Variants in ATG5 observed in about 807,000 individuals in gnomAD.
ATG5 encodes the protein autophagy protein 5.
A neutral mutation model predicts 36.5 loss-of-function variants in ATG5; 14 were observed. The ratio of observed to expected loss-of-function variants is 0.38; its 90% CI spans 0.25 to 0.60. ATG5 has a LOEUF of 0.60. Among genes scored for constraint, ATG5 ranks in the 20% least tolerant of loss-of-function variants. The probability of loss-of-function intolerance (pLI) is 0.60; values close to 1 mark genes in which losing one functional copy is unlikely to be tolerated. For missense variants in ATG5, 195 were observed against 326.7 expected, an observed-to-expected ratio of 0.60 and a Z score of 3.11; for synonymous variants, 95 against 101.5, an observed-to-expected ratio of 0.94 and a Z score of 0.38.
chr6:106,297,833 G>C (rs1770027458), intron 3 of ATG5, among the ~76,000 whole-genome samples: 1 of 151,660 alleles, frequency 6.6e-6, no homozygotes, highest in Non-Finnish European at 1.5e-5. Flanking sequence ...CACTATGGAA[G>C]GCTGAGGCAG....
intron 6 of ATG5, among the ~76,000 whole-genome samples, chr6:106,228,695 G>GT (rs1030950960): frequency 2.0e-4 from 30 of 152,156 alleles, no homozygotes; most frequent in African/African-American, 7.0e-4. Context: ...CTCCAAAGCG[G>GT]TAATATTGGA....
intron 5 of ATG5, among the ~76,000 whole-genome samples, chr6:106,262,899 C>G (rs531763334): frequency 6.6e-6 from 1 of 152,352 alleles, no homozygotes; most frequent in Admixed American, 6.5e-5. Flanking sequence ...CCCTGGGTTT[C>G]AAGCACAAAA....
At chr6:106,190,661 TA>T (rs966644690) in intron 7 of ATG5, among the ~76,000 whole-genome samples, 9 of 150,394 alleles carry the variant, frequency 6.0e-5, no homozygotes, top group South Asian at 2.1e-4. Flanking sequence ...AAAGTGAACA[TA>T]AAAAAAAAGT....
chr6:106,229,071 G>T (rs973719705), intron 6 of ATG5, among the ~76,000 whole-genome samples: 1 of 152,236 alleles, frequency 6.6e-6, no homozygotes, highest in Admixed American at 6.5e-5. Flanking sequence ...TCCCAACCAC[G>T]ACTTTCTTGA....
At chr6:106,232,580 C>A (rs1179832254) in intron 6 of ATG5, among the ~76,000 whole-genome samples, 2 of 152,174 alleles carry the variant, frequency 1.3e-5, no homozygotes, top group East Asian at 3.9e-4. Context: ...CTTTCCCCAC[C>A]AAAGGCAGTA....
At chr6:106,202,154 T>A (rs901237878) in intron 6 of ATG5, 65 bp from the exon 7 acceptor site, 1 of 1,284,136 alleles carries the variant, frequency 7.8e-7, no homozygotes, top group Non-Finnish European at 1.1e-6. Flanking sequence ...TACAAATTTA[T>A]ATATCATAAA....
chr6:106,272,215 C>T (rs1398583615), intron 5 of ATG5, among the ~76,000 whole-genome samples: 1 of 152,194 alleles, frequency 6.6e-6, no homozygotes, highest in Non-Finnish European at 1.5e-5. Flanking sequence ...TTCCCATTTG[C>T]TTCTTTCTAA....
intron 6 of ATG5, among the ~76,000 whole-genome samples, chr6:106,240,595 AG>A (rs1375361640): frequency 1.3e-5 from 2 of 151,898 alleles, no homozygotes; most frequent in African/African-American, 4.8e-5. Context: ...TGGAGATGTA[AG>A]GGGAGAAGCA....
chr6:106,261,176 A>C (rs1398244925), intron 5 of ATG5, among the ~76,000 whole-genome samples: 1 of 152,242 alleles, frequency 6.6e-6, no homozygotes, highest in Non-Finnish European at 1.5e-5. Context: ...AAAGGAAAAT[A>C]CACAGAACAC....
intron 5 of ATG5, among the ~76,000 whole-genome samples, chr6:106,259,918 A>G (rs1035764446): frequency 6.6e-6 from 1 of 152,228 alleles, no homozygotes; most frequent in Non-Finnish European, 1.5e-5. Context: ...ACCATGGAAT[A>G]CTATGCAGCC....
chr6:106,198,542 T>C (rs1289719844), intron 7 of ATG5, among the ~76,000 whole-genome samples: 1 of 152,148 alleles, frequency 6.6e-6, no homozygotes, highest in African/African-American at 2.4e-5. Context: ...TTTGGGAGGC[T>C]GAGGCGGATG....
chr6:106,308,017 A>C (rs912592534), intron 3 of ATG5, among the ~76,000 whole-genome samples: 3 of 151,674 alleles, frequency 2.0e-5, no homozygotes, highest in Admixed American at 1.3e-4. Flanking sequence ...AGATGTTATA[A>C]ATATTTTGGT....
At chr6:106,286,618 A>T (rs562587648) in intron 4 of ATG5, among the ~76,000 whole-genome samples, 1 of 152,286 alleles carries the variant, frequency 6.6e-6, no homozygotes, top group East Asian at 1.9e-4. Context: ...AACTCAAAGA[A>T]TGCGGCAAAG....
intron 5 of ATG5, among the ~76,000 whole-genome samples, chr6:106,277,218 A>C (rs570870406): frequency 1.3e-5 from 2 of 152,364 alleles, no homozygotes; most frequent in East Asian, 3.9e-4. Flanking sequence ...AGCATAGTCC[A>C]AAAGTTAAAA....
chr6:106,321,700 G>A (rs1395736108), intron 1 of ATG5, among the ~76,000 whole-genome samples: 1 of 152,066 alleles, frequency 6.6e-6, no homozygotes, highest in Non-Finnish European at 1.5e-5. Flanking sequence ...TCAGCTCCTT[G>A]GGAAGTTTTC....
At position 106,201,275 on chromosome 6, in the gene ATG5, A is replaced by G. The variant is rs9399977; in HGVS notation, c.691+697T>C. On this transcript the variant is annotated intron_variant, in intron 7 of 7. Coordinates refer to ENST00000369076, the MANE Select transcript of ATG5 (RefSeq NM_004849.4). ...GTATATCTCAAGTATTCAAGTGTAT[A>G]TGTGTGTGTGTGTGTGTGTGTGTGT... Among the ~76,000 whole-genome samples the G allele has an allele frequency of 1.5e-3, 221 of 149,318 alleles. 1 individual carries two copies. Among genetic ancestry groups the G allele is most frequent in the African/African-American group, 5.1e-3 (207 of 40,768 alleles).
rs189378076 is a variant in ATG5, at chr6:106,240,968, C to T, written c.573+7182G>A. On this transcript the variant is annotated intron_variant, in intron 6 of 7. Transcript: ENST00000369076. ...AGGAGTTCGAGACCAGCCTGGCCAA[C>T]ATGGCAAAACCCTGGCTCTACAAAA... 4.3e-3 allele frequency among the ~76,000 whole-genome samples: 649 copies of T among 152,282 alleles called. 5 individuals carry two copies. Among genetic ancestry groups the T allele is most frequent in the African/African-American group, 0.015 (617 of 41,556 alleles).
In ATG5 at chr6:106,263,808, C is replaced by A. The variant is rs145868506; in HGVS notation, c.479-15564G>T. On this transcript the variant is annotated intron_variant, in intron 5 of 7. Coordinates refer to ENST00000369076, the MANE Select transcript of ATG5 (RefSeq NM_004849.4). ...ACAACATCAACATCAACATAAAGGA[C>A]CCCCACAAAAAAACTCCATCCAAAG... is the stretch of plus-strand genomic sequence containing the variant. Among the ~76,000 whole-genome samples the A allele has an allele frequency of 4.3e-4, 65 of 151,600 alleles. 2 individuals carry two copies. In the East Asian group the frequency reaches 0.011, roughly 26 times the overall value.
intron 3 of ATG5, 151 bp downstream of exon 3, chr6:106,308,213 A>G: frequency 1.9e-6 from 1 of 535,554 alleles, no homozygotes; most frequent in African/African-American, 2.0e-5. Context: ...TCAATAACGT[A>G]TTCTAGTAAT....
Sources: allele counts gnomAD v4.1 joint callset (sites outside exome capture counted in the v4.1 genomes callset), GRCh38; gene constraint gnomAD v4.1.1; transcripts MANE v1.5; gene names NCBI Gene and HGNC (gene_info 2026-07-23, HGNC 2026-07-21).